Variants in JPH3 observed in about 807,000 individuals in gnomAD.
JPH3 encodes the protein junctophilin 3.
In JPH3, 11 loss-of-function variants were observed where a neutral mutation model predicts 59.6. The observed-to-expected ratio is 0.18, with a 90% CI of 0.12 to 0.31. JPH3 has a LOEUF of 0.31. Among genes scored for constraint, JPH3 ranks in the 10% least tolerant of loss-of-function variants. The pLI, the probability that JPH3 is intolerant of heterozygous loss-of-function variation, is 1.00. For synonymous variants in JPH3, 673 were observed against 483.6 expected, an observed-to-expected ratio of 1.39 and a Z score of -5.14; for missense variants, 1,202 against 1,105.7, an observed-to-expected ratio of 1.09 and a Z score of -1.24.
At chr16:87,678,701 G>T (rs1156950495) in intron 2 of JPH3, among the ~76,000 whole-genome samples, 1 of 152,156 alleles carries the variant, frequency 6.6e-6, no homozygotes, top group Non-Finnish European at 1.5e-5. Flanking sequence ...ATTAGTTAAG[G>T]ATCTGCAGAT....
At chr16:87,673,233 A>G (rs182908497) in intron 2 of JPH3, among the ~76,000 whole-genome samples, 2 of 152,288 alleles carry the variant, frequency 1.3e-5, no homozygotes, top group East Asian at 1.9e-4. Flanking sequence ...CAAGAAAAAA[A>G]AATCAACCGC....
At chr16:87,625,463 C>T (rs985958677) in intron 1 of JPH3, among the ~76,000 whole-genome samples, 5 of 152,218 alleles carry the variant, frequency 3.3e-5, no homozygotes, top group African/African-American at 4.8e-5. Flanking sequence ...CTGAACCCTG[C>T]CCTTGGTGCT....
chr16:87,684,275 C>T lies in JPH3; in HGVS notation c.1285+9C>T, dbSNP rs373913576. ...CCAGCACCGGGAAAACGGTGAGTCT[C>T]GCCGGGCCTGATACTGGCATCGTGG... is the stretch of plus-strand genomic sequence containing the variant. On this transcript the variant is annotated intron_variant, in intron 3 of 4. Coordinates refer to ENST00000284262, the MANE Select transcript of JPH3 (RefSeq NM_020655.4). 38 of 1,613,514 alleles carry T rather than the reference C, an allele frequency of 2.4e-5. No individual in the cohort carries two copies. The highest frequency in any genetic ancestry group is 2.1e-4 in the South Asian group (19 of 91,026).
chr16:87,648,615 G>A (rs1055945342), intron 2 of JPH3, among the ~76,000 whole-genome samples: 4 of 152,040 alleles, frequency 2.6e-5, no homozygotes, highest in South Asian at 2.1e-4. Context: ...TGTGGAGCTC[G>A]GAGAGACTGA....
chr16:87,605,924 C>T (rs1006129212), intron 1 of JPH3, among the ~76,000 whole-genome samples: 6 of 152,194 alleles, frequency 3.9e-5, no homozygotes, highest in African/African-American at 1.2e-4. Context: ...GCTTCATGGC[C>T]GGCTCTCCCT....
At chr16:87,679,361 C>T (rs375816492) in intron 2 of JPH3, among the ~76,000 whole-genome samples, 11 of 152,204 alleles carry the variant, frequency 7.2e-5, no homozygotes, top group Non-Finnish European at 1.0e-4. Flanking sequence ...CTGCTCTGAT[C>T]GCAGACCTCC....
chr16:87,634,650 AG>A (rs1014798022), intron 1 of JPH3, among the ~76,000 whole-genome samples: 14 of 152,128 alleles, frequency 9.2e-5, no homozygotes, highest in African/African-American at 3.4e-4. Flanking sequence ...CTGTGACGGG[AG>A]GGGGGCTCTG....
Position 87,611,228 on chromosome 16 carries a change from G to C in JPH3, c.382+7700G>C, listed in dbSNP as rs2030721115. Among the ~76,000 whole-genome samples, 1 of 152,224 alleles carries C rather than the reference G, an allele frequency of 6.6e-6. No homozygotes were observed. The highest frequency in any genetic ancestry group is 2.4e-5 in the African/African-American group (1 of 41,452). On this transcript the variant is annotated intron_variant, in intron 1 of 4. Transcript: ENST00000284262. The surrounding 1 kb of genome is among the most constrained non-coding windows in gnomAD (Gnocchi z 4.5). The stretch of plus-strand genomic sequence containing the variant: ...AAACCGAGATATATGGAATAATTCA[G>C]GGTTTCTCATGCCACAGTGGGGGTC...
intron 2 of JPH3, among the ~76,000 whole-genome samples, chr16:87,659,400 A>G (rs1263827257): frequency 7.0e-6 from 1 of 143,702 alleles, no homozygotes; most frequent in African/African-American, 2.7e-5. Context: ...AAAAAAAAAG[A>G]AAACTACACA....
chr16:87,655,747 C>G (rs558258278), intron 2 of JPH3, among the ~76,000 whole-genome samples: 101 of 152,378 alleles, frequency 6.6e-4, no homozygotes, highest in African/African-American at 2.4e-3. Context: ...AGTGCAGGCA[C>G]CAGCCCACGT....
chr16:87,679,428 G>A (rs4843257), intron 2 of JPH3, among the ~76,000 whole-genome samples: 74,136 of 151,962 alleles, frequency 0.49, 18,148 homozygotes, highest in East Asian at 0.59. Flanking sequence ...CCAGGGAATG[G>A]GGCTGGTTTG....
chr16:87,663,963 A>T (rs2032781903), intron 2 of JPH3, among the ~76,000 whole-genome samples: 1 of 152,210 alleles, frequency 6.6e-6, no homozygotes, highest in African/African-American at 2.4e-5. Context: ...TTGTGGTGGA[A>T]TCGACTCTTC....
chr16:87,664,743 T>C (rs978858293), intron 2 of JPH3, among the ~76,000 whole-genome samples: 1 of 152,220 alleles, frequency 6.6e-6, no homozygotes. Flanking sequence ...TTATCCTTGC[T>C]GCGGTGTGGG....
chr16:87,625,393 A>C (rs534445798), intron 1 of JPH3, among the ~76,000 whole-genome samples: 96 of 152,246 alleles, frequency 6.3e-4, no homozygotes, highest in Admixed American at 1.9e-3. Flanking sequence ...AGCCCCCAGC[A>C]GCTCGCAGGC....
At chr16:87,689,302 G>C (rs978816688) in intron 3 of JPH3, among the ~76,000 whole-genome samples, 2 of 152,142 alleles carry the variant, frequency 1.3e-5, no homozygotes, top group Non-Finnish European at 2.9e-5. Flanking sequence ...CTCAGGACAG[G>C]CGAGTCAGGG....
intron 1 of JPH3, chr16:87,604,327 C>T (rs1597229540): frequency 1.4e-6 from 2 of 1,467,380 alleles, no homozygotes. Flanking sequence ...GCTGCTGCTG[C>T]TGTAAGATGG....
chr16:87,629,936 T>C (rs548384174), intron 1 of JPH3, among the ~76,000 whole-genome samples: 17 of 152,328 alleles, frequency 1.1e-4, no homozygotes, highest in African/African-American at 4.1e-4. Flanking sequence ...GAACTCTCTG[T>C]ACTTTCCACT....
intron 2 of JPH3, among the ~76,000 whole-genome samples, chr16:87,663,620 A>G (rs2032771729): frequency 6.6e-6 from 1 of 152,116 alleles, no homozygotes; most frequent in Admixed American, 6.5e-5. Flanking sequence ...TTCACATAGG[A>G]ACACATAGGA....
At chr16:87,631,847 T>G (rs952993838) in intron 1 of JPH3, among the ~76,000 whole-genome samples, 4 of 152,240 alleles carry the variant, frequency 2.6e-5, no homozygotes, top group Non-Finnish European at 4.4e-5. Flanking sequence ...CTATTATACT[T>G]TTAATTTCCA....
Sources: allele counts gnomAD v4.1 joint callset (sites outside exome capture counted in the v4.1 genomes callset), GRCh38; gene constraint gnomAD v4.1.1; non-coding constraint Gnocchi (gnomAD v3.1); transcripts MANE v1.5; gene names NCBI Gene and HGNC (gene_info 2026-07-23, HGNC 2026-07-21).